Variants in DAPK2 observed in about 807,000 individuals in gnomAD.
DAPK2 encodes death-associated protein kinase 2.
DAPK2 carries 35 observed loss-of-function variants against 44.1 expected under a neutral mutation model. The ratio of observed to expected loss-of-function variants is 0.79; its 90% CI spans 0.61 to 1.05. The LOEUF is 1.05. Ranked by LOEUF, DAPK2 falls within the 50% of genes least tolerant of loss-of-function variation. The probability of loss-of-function intolerance (pLI) is 0.00; values close to 1 mark genes in which losing one functional copy is unlikely to be tolerated. For missense variants in DAPK2, 453 were observed against 483.2 expected, an observed-to-expected ratio of 0.94 and a Z score of 0.59; for synonymous variants, 174 against 182.6, an observed-to-expected ratio of 0.95 and a Z score of 0.38.
intron 1 of DAPK2, among the ~76,000 whole-genome samples, chr15:64,004,448 C>A (rs769734850): frequency 3.3e-5 from 5 of 152,188 alleles, no homozygotes; most frequent in Non-Finnish European, 7.3e-5. Context: ...GGGACCCTCA[C>A]TTTTTAAAAA....
chr15:63,997,976 T>G (rs1339539622), intron 1 of DAPK2, among the ~76,000 whole-genome samples: 1 of 152,254 alleles, frequency 6.6e-6, no homozygotes, highest in African/African-American at 2.4e-5. Flanking sequence ...CAGCACATGG[T>G]AAACACCAAC....
intron 2 of DAPK2, among the ~76,000 whole-genome samples, chr15:63,972,715 C>T (rs2078245771): frequency 6.6e-6 from 1 of 152,078 alleles, no homozygotes; most frequent in Non-Finnish European, 1.5e-5. Context: ...CTCTTGACTA[C>T]TTAAAGTAAA....
chr15:64,007,463 G>A (rs1440539790), intron 1 of DAPK2, among the ~76,000 whole-genome samples: 1 of 151,902 alleles, frequency 6.6e-6, no homozygotes, highest in African/African-American at 2.4e-5. Flanking sequence ...CATCCTCCAA[G>A]AGCCAGTAGG....
At chr15:64,026,444 A>G (rs1171385139) in intron 1 of DAPK2, among the ~76,000 whole-genome samples, 1 of 152,038 alleles carries the variant, frequency 6.6e-6, no homozygotes, top group Non-Finnish European at 1.5e-5. Flanking sequence ...GGGTTTCGCC[A>G]TGTTGGCTAG....
intron 1 of DAPK2, among the ~76,000 whole-genome samples, chr15:63,994,504 C>CCTT (rs10672595): frequency 0.2 from 30,410 of 151,360 alleles, 3,173 homozygotes; most frequent in South Asian, 0.24. Context: ...GTTCCTTAGT[C>CCTT]CCACCTTTCT....
intron 1 of DAPK2, among the ~76,000 whole-genome samples, chr15:64,033,325 G>GAAGGAAGGAAGGAAGGAAGGAAGGAAGGA (rs1438177286): frequency 1.5e-5 from 2 of 137,184 alleles, no homozygotes; most frequent in Admixed American, 7.2e-5. Flanking sequence ...AGGAAGGAAG[G>GAAGGAAGGAAGGAAGGAAGGAAGGAAGGA]AAAAAAAAAA....
chr15:63,934,249 GTTTT>G (rs772176640), intron 4 of DAPK2, among the ~76,000 whole-genome samples: 1 of 63,286 alleles, frequency 1.6e-5, no homozygotes, highest in East Asian at 3.4e-4. Context: ...TTTTATCCTA[GTTTT>G]TTTTTTTTTT....
intron 1 of DAPK2, among the ~76,000 whole-genome samples, chr15:64,014,356 C>A (rs2079466137): frequency 6.6e-6 from 1 of 152,208 alleles, no homozygotes; most frequent in Non-Finnish European, 1.5e-5. Context: ...CAGTGTTCTG[C>A]CTGAAAAGGA....
At chr15:64,036,273 A>ATCTG in intron 1 of DAPK2, among the ~76,000 whole-genome samples, 2 of 44,016 alleles carry the variant, frequency 4.5e-5, no homozygotes, top group Admixed American at 7.5e-4. Flanking sequence ...ATATATATAT[A>ATCTG]TGTGTGTGTG....
chr15:64,008,208 A>C lies in DAPK2; in HGVS notation c.93-24454T>G, dbSNP rs75193811. 9.2e-5 allele frequency among the ~76,000 whole-genome samples: 14 copies of C among 151,976 alleles called. No individual in the cohort carries two copies. The East Asian group carries it at 2.7e-3, about 29-fold the overall frequency. On this transcript the variant is annotated intron_variant, in intron 1 of 10. Transcript: ENST00000261891. ...AATGGGTGAATTGTATATAAATTATATCTGTTTTTTTAAAAAAGAACCATA... is the reference window on the plus strand; with the variant it reads ...AATGGGTGAATTGTATATAAATTATCTCTGTTTTTTTAAAAAAGAACCATA...
chr15:63,974,813 T>C (rs1050161102), intron 2 of DAPK2, among the ~76,000 whole-genome samples: 8 of 152,190 alleles, frequency 5.3e-5, no homozygotes, highest in Admixed American at 3.9e-4. Context: ...GGTAAAATAC[T>C]TCTATTTCTT....
chr15:63,984,014 C>A (rs924520602), intron 1 of DAPK2, among the ~76,000 whole-genome samples: 2 of 152,114 alleles, frequency 1.3e-5, no homozygotes, highest in African/African-American at 4.8e-5. Flanking sequence ...CACTGAGGCC[C>A]AGAAAGGTTA....
intron 3 of DAPK2, among the ~76,000 whole-genome samples, chr15:63,952,468 A>G (rs1227404932): frequency 3.3e-5 from 5 of 152,096 alleles, no homozygotes; most frequent in Non-Finnish European, 5.9e-5. Flanking sequence ...CAGGGTATGT[A>G]TCTGTATCTT....
intron 1 of DAPK2, among the ~76,000 whole-genome samples, chr15:64,004,851 G>T (rs1186996885): frequency 6.6e-6 from 1 of 152,194 alleles, no homozygotes; most frequent in African/African-American, 2.4e-5. Context: ...GCCACAGGTT[G>T]TTCTCTGACC....
chr15:64,026,062 A>C (rs2079834479), intron 1 of DAPK2, among the ~76,000 whole-genome samples: 1 of 152,128 alleles, frequency 6.6e-6, no homozygotes, highest in South Asian at 2.1e-4. Context: ...TCCTGGTTCT[A>C]GACCCTGTGG....
chr15:64,016,902 C>T (rs559410484), intron 1 of DAPK2, among the ~76,000 whole-genome samples: 42 of 146,186 alleles, frequency 2.9e-4, no homozygotes, highest in African/African-American at 9.8e-4. Flanking sequence ...GAAGGAAGGA[C>T]GGACATGTAA....
Position 63,908,535 on chromosome 15 carries a change from C to T in DAPK2, c.1098G>A (p.Arg366=), listed in dbSNP as rs113007196. 1.6e-4 allele frequency: 250 copies of T among 1,597,812 alleles called. 1 individual carries two copies. In the African/African-American group the frequency reaches 3.1e-3, roughly 20 times the overall value. ...GTCAGGCCAGTTAGGAGGTGCTGCT[C>T]CTCCTCCGTGGGTGGAGGGCTTTCC... The change falls in exon 11 of 11, where the codon AGG becomes AGA. Residue 366 remains arginine, a synonymous_variant. Coordinates refer to ENST00000261891, the Ensembl canonical transcript of DAPK2. This position sits in a 1 kb window ranked among gnomAD's most constrained non-coding sequence, Gnocchi z 5.7.
At position 63,923,046 on chromosome 15, in the gene DAPK2, A is replaced by G. The variant is rs954478791; in HGVS notation, c.858+1770T>C. 3 of 1,535,640 alleles carry G rather than the reference A, an allele frequency of 2.0e-6. No individual in the cohort carries two copies. The highest frequency in any genetic ancestry group is 2.7e-5 in the African/African-American group (2 of 72,994). On this transcript the variant is annotated intron_variant, in intron 8 of 10. Transcript: ENST00000261891. The surrounding 1 kb of genome is among the most constrained non-coding windows in gnomAD (Gnocchi z 4.2). ...TTGCGGAACTCATACCTGAGCTGGGACAGGTCATGCCGGGCGCTCTCATTC... is the reference window on the plus strand; with the variant it reads ...TTGCGGAACTCATACCTGAGCTGGGGCAGGTCATGCCGGGCGCTCTCATTC...
At position 63,975,661 on chromosome 15, in the gene DAPK2, C is replaced by T. The variant is rs568900670; in HGVS notation, c.315-4100G>A. 3.3e-3 allele frequency among the ~76,000 whole-genome samples: 500 copies of T among 151,378 alleles called. 4 individuals carry two copies. Among genetic ancestry groups the T allele is most frequent in the African/African-American group, 0.012 (481 of 41,182 alleles). Reference sequence around the variant, plus strand: ...TTGCCCAGGCTGGAGTGCAGTGATGCGATCTCAGCTCACTGCAACCTCCGC... The same window carrying T: ...TTGCCCAGGCTGGAGTGCAGTGATGTGATCTCAGCTCACTGCAACCTCCGC... On this transcript the variant is annotated intron_variant, in intron 2 of 10. Transcript: ENST00000261891.
Sources: allele counts gnomAD v4.1 joint callset (sites outside exome capture counted in the v4.1 genomes callset), GRCh38; gene constraint gnomAD v4.1.1; non-coding constraint Gnocchi (gnomAD v3.1); transcripts MANE v1.5; gene names NCBI Gene and HGNC (gene_info 2026-07-23, HGNC 2026-07-21).